PRPF19: variants seen among roughly 807,000 people sequenced by gnomAD.
PRPF19 encodes the protein pre-mRNA-processing factor 19.
A neutral mutation model predicts 64.2 loss-of-function variants in PRPF19; 2 were observed. The ratio of observed to expected loss-of-function variants is 0.03; its 90% CI spans 0.01 to 0.10. The LOEUF (loss-of-function observed/expected upper bound fraction) is 0.10. Among genes scored for constraint, PRPF19 ranks in the 10% least tolerant of loss-of-function variants. The pLI, the probability that PRPF19 is intolerant of heterozygous loss-of-function variation, is 1.00. For missense variants in PRPF19, 314 were observed against 650.0 expected (o/e 0.48, Z 5.62); for synonymous variants, 226 against 251.6 (o/e 0.90, Z 0.96).
rs558360544 is a variant in PRPF19 at position 60,892,960 on chromosome 11, C to T, written c.1418-1697G>A. Among the ~76,000 whole-genome samples, 12 of 152,086 alleles carry T rather than the reference C, an allele frequency of 7.9e-5. No individual in the cohort carries two copies. The South Asian group carries it at 2.5e-3, about 32-fold the overall frequency. ...CCACATAACTTGTGTCACCACCACC[C>T]CCTAGAAGCCTTAGGCCCCTACTCC... On this transcript the variant is annotated intron_variant, in intron 15 of 15. Transcript: ENST00000227524.
chr11:60,906,279 G>T, intron 1 of PRPF19, 85 bp downstream of exon 1: 1 of 1,503,400 alleles, frequency 6.7e-7, no homozygotes, highest in Non-Finnish European at 8.9e-7. Flanking sequence ...CTCCACCCCG[G>T]CCCGGGCGCC....
intron 1 of PRPF19, among the ~76,000 whole-genome samples, chr11:60,905,691 C>T (rs974908496): frequency 6.6e-5 from 10 of 152,272 alleles, no homozygotes; most frequent in Non-Finnish European, 8.8e-5. Context: ...CTGCGCCTTG[C>T]ATCCTCATCT....
In PRPF19 at chr11:60,890,975, G is replaced by A; in HGVS notation, c.*191C>T. 1.6e-6 allele frequency: 1 copy of A among 618,854 alleles called. No homozygotes were observed. The highest frequency in any genetic ancestry group is 2.9e-6 in the Non-Finnish European group (1 of 343,186). 38.3% of individuals were successfully genotyped at this position (618,854 alleles called of 1,614,324 possible). On this transcript the variant is annotated 3_prime_UTR_variant, in exon 16 of 16. Coordinates refer to ENST00000227524, the MANE Select transcript of PRPF19 (RefSeq NM_014502.5). ...TTCCACATCCGTTCCCATGGGGCCT[G>A]GAGTTGCATGGATGAGGGTGGTCCA...
chr11:60,902,962 GCTGCCTCCTATCCCAGAGC>G lies in PRPF19; in HGVS notation c.247-100_247-82del, dbSNP rs1459754057. ...TGGAGTCAGCCCTTGGGGAGGGGAT[GCTGCCTCCTATCCCAGAGC>G]CTAGACCAGTATCAGTGACCCAAAC... On this transcript the variant is annotated intron_variant, in intron 3 of 15. Coordinates refer to ENST00000227524, the MANE Select transcript of PRPF19 (RefSeq NM_014502.5). The surrounding 1 kb of genome is among the most constrained non-coding windows in gnomAD (Gnocchi z 5.0). 6.5e-7 allele frequency: 1 copy of G among 1,550,098 alleles called. No individual in the cohort carries two copies. The highest frequency in any genetic ancestry group is 1.8e-5 in the Admixed American group (1 of 54,670).
intron 15 of PRPF19, among the ~76,000 whole-genome samples, chr11:60,893,991 G>A (rs904426241): frequency 9.9e-5 from 15 of 152,210 alleles, no homozygotes; most frequent in African/African-American, 3.4e-4. Flanking sequence ...AGTAAACAAT[G>A]TACATACCTT....
chr11:60,898,553 G>A lies in PRPF19; in HGVS notation c.1128C>T (p.Ile376=). 6.2e-7 allele frequency: 1 copy of A among 1,614,140 alleles called. No individual in the cohort carries two copies. The highest frequency in any genetic ancestry group is 1.1e-5 in the South Asian group (1 of 91,036). The change falls in exon 13 of 16, where the codon ATC becomes ATT. Residue 376 remains isoleucine (I), a synonymous_variant. Transcript: ENST00000227524. The surrounding 1 kb of genome is among the most constrained non-coding windows in gnomAD (Gnocchi z 4.6). ...TACCATGTCCTACCTTCAAGTCCCA[G>A]ATCTTGATCTGAGAGTCCATGGTTC... ...GTGTMDSQIK[I]WDLKERTNVA... is the part of the protein sequence containing the mutation.
In PRPF19 at chr11:60,902,723, C is replaced by A; in HGVS notation, c.388+17G>T. 2 of 1,614,160 alleles carry A rather than the reference C, an allele frequency of 1.2e-6. No homozygotes were observed. Among genetic ancestry groups the A allele is most frequent in the Admixed American group, 1.7e-5 (1 of 60,020 alleles). ...AGAACCAGCCCAGGGTGGGGGATGG[C>A]AGGGGAGAGGCTGCACCTTCTCGGG... On this transcript the variant is annotated intron_variant, in intron 4 of 15. Coordinates refer to ENST00000227524, the MANE Select transcript of PRPF19 (RefSeq NM_014502.5). The surrounding 1 kb of genome is among the most constrained non-coding windows in gnomAD (Gnocchi z 5.0).
chr11:60,897,461 A>G (rs565906261), intron 15 of PRPF19: 2 of 184,622 alleles, frequency 1.1e-5, no homozygotes, highest in East Asian at 3.1e-4. Context: ...TATAAACTGT[A>G]TAAGCTTCAA....
At chr11:60,896,427 A>G (rs1188909010) in intron 15 of PRPF19, among the ~76,000 whole-genome samples, 2 of 152,146 alleles carry the variant, frequency 1.3e-5, no homozygotes, top group Non-Finnish European at 2.9e-5. Context: ...CTCATCTTGA[A>G]TTGTAGTGCC....
intron 7 of PRPF19, 54 bp from the exon 8 acceptor site, chr11:60,901,423 C>T (rs764987888): frequency 5.0e-6 from 8 of 1,613,312 alleles, no homozygotes; most frequent in Non-Finnish European, 6.8e-6. Context: ...AAGATTCAGC[C>T]GCCCTCTCTC....
chr11:60,901,036 C>T, intron 8 of PRPF19, 107 bp from the exon 9 acceptor site: 2 of 1,290,790 alleles, frequency 1.5e-6, no homozygotes, highest in African/African-American at 1.5e-5. Context: ...CTCAGGGGAG[C>T]AAGAGTTACT....
intron 15 of PRPF19, among the ~76,000 whole-genome samples, chr11:60,896,315 T>A (rs975984950): frequency 1.3e-5 from 2 of 152,184 alleles, no homozygotes; most frequent in Non-Finnish European, 2.9e-5. Flanking sequence ...ATGACAGGTT[T>A]ATGCATGTTG....
chr11:60,903,437 T>C, intron 3 of PRPF19, 22 bp downstream of exon 3: 1 of 1,602,562 alleles, frequency 6.2e-7, no homozygotes, highest in South Asian at 1.1e-5. Context: ...GGGAAGATGC[T>C]GATTCTCTTG....
intron 15 of PRPF19, among the ~76,000 whole-genome samples, chr11:60,892,986 C>A (rs761008247): frequency 1.6e-4 from 25 of 152,130 alleles, no homozygotes; most frequent in Non-Finnish European, 2.6e-4. Flanking sequence ...CCCCTACTCC[C>A]TTCTGCAGTT....
At position 60,898,161 on chromosome 11, in the gene PRPF19, C is replaced by T. The variant is rs779661520; in HGVS notation, c.1251G>A (p.Lys417=). The change falls in exon 14 of 16, where the codon AAG becomes AAA. Residue 417 remains lysine (K), a synonymous_variant. Coordinates refer to ENST00000227524, the MANE Select transcript of PRPF19 (RefSeq NM_014502.5). This position sits in a 1 kb window ranked among gnomAD's most constrained non-coding sequence, Gnocchi z 4.6. ...TCTTAAGCTTGCGCAGATCCCAGAG[C>T]TTGACAGAGGAGTCATCAGCCGCTG... ...LATAADDSSV[K]LWDLRKLKNF... 13 of 1,614,100 alleles carry T rather than the reference C, an allele frequency of 8.1e-6. No homozygotes were observed. Among genetic ancestry groups the T allele is most frequent in the African/African-American group, 1.3e-5 (1 of 74,942 alleles).
intron 15 of PRPF19, among the ~76,000 whole-genome samples, chr11:60,893,414 G>C (rs549394788): frequency 6.6e-6 from 1 of 151,714 alleles, no homozygotes; most frequent in African/African-American, 2.4e-5. Context: ...TGAGGCAGGA[G>C]AATCACTTGA....
In PRPF19 at chr11:60,898,357, TC is replaced by T. The variant is rs1855944485; in HGVS notation, c.1141-87del. The T allele has an allele frequency of 6.5e-7, 1 of 1,533,344 alleles. No individual in the cohort carries two copies. Among genetic ancestry groups the T allele is most frequent in the African/African-American group, 1.4e-5 (1 of 72,702 alleles). The allele number at this position is 1,533,344 out of a possible 1,614,324, so 95.0% of individuals were successfully genotyped here. Reference sequence around the variant, plus strand: ...GCTCACCAAACTCCTACCTGAGATGTCCCTCACGTCCTTCCAGGAAGGACAG... The same window carrying T: ...GCTCACCAAACTCCTACCTGAGATGTCCTCACGTCCTTCCAGGAAGGACAG... On this transcript the variant is annotated intron_variant, in intron 13 of 15. Coordinates refer to ENST00000227524, the MANE Select transcript of PRPF19 (RefSeq NM_014502.5). The surrounding 1 kb of genome is among the most constrained non-coding windows in gnomAD (Gnocchi z 4.6).
At chr11:60,895,129 G>C (rs944607172) in intron 15 of PRPF19, among the ~76,000 whole-genome samples, 2 of 152,206 alleles carry the variant, frequency 1.3e-5, no homozygotes, top group Non-Finnish European at 2.9e-5. Context: ...GAATCACTCT[G>C]ATCTTTGCAT....
chr11:60,901,255 G>A (rs866094935), intron 8 of PRPF19, 40 bp downstream of exon 8: 26 of 1,607,908 alleles, frequency 1.6e-5, no homozygotes, highest in Non-Finnish European at 2.2e-5. Context: ...AAACAAAACG[G>A]GAGGGCTGTC....
Sources: allele counts gnomAD v4.1 joint callset (sites outside exome capture counted in the v4.1 genomes callset), GRCh38; gene constraint gnomAD v4.1.1; non-coding constraint Gnocchi (gnomAD v3.1); transcripts MANE v1.5; gene names NCBI Gene and HGNC (gene_info 2026-07-23, HGNC 2026-07-21).